The following KHDRBS3 variants were observed in gnomAD, a reference collection of about 807,000 sequenced individuals.
KHDRBS3 encodes the protein KH RNA binding domain containing, signal transduction associated 3.
KHDRBS3 carries 23 observed loss-of-function variants against 45.6 expected under a neutral mutation model. That is an observed-to-expected ratio of 0.50 (90% confidence interval 0.36 to 0.72). KHDRBS3 has a LOEUF of 0.72. Among genes scored for constraint, KHDRBS3 ranks in the 30% least tolerant of loss-of-function variants. KHDRBS3 has a pLI of 0.00. For synonymous variants in KHDRBS3, 162 were observed against 156.5 expected (o/e 1.04, Z -0.26); for missense variants, 352 against 424.8 (o/e 0.83, Z 1.51).
At chr8:135,498,305 C>T (rs1292078564) in intron 1 of KHDRBS3, among the ~76,000 whole-genome samples, 1 of 152,216 alleles carries the variant, frequency 6.6e-6, no homozygotes, top group African/African-American at 2.4e-5. Flanking sequence ...AACTACCGTA[C>T]TGCATTACTT....
intron 1 of KHDRBS3, among the ~76,000 whole-genome samples, chr8:135,490,232 G>A (rs35247749): frequency 0.11 from 16,003 of 152,196 alleles, 933 homozygotes; most frequent in East Asian, 0.18. Context: ...AGTGACACCT[G>A]ACTGTTTATG....
chr8:135,516,402 G>T (rs1824604414), intron 1 of KHDRBS3, among the ~76,000 whole-genome samples: 1 of 152,130 alleles, frequency 6.6e-6, no homozygotes, highest in South Asian at 2.1e-4. Flanking sequence ...GTGCTGCAAG[G>T]TTACCACAGC....
chr8:135,555,009 G>A (rs1193469132), intron 4 of KHDRBS3, among the ~76,000 whole-genome samples: 2 of 152,088 alleles, frequency 1.3e-5, no homozygotes, highest in Non-Finnish European at 2.9e-5. Context: ...GCTGCCTGCC[G>A]TTAATTTCTG....
chr8:135,529,291 C>G (rs1454302601), intron 2 of KHDRBS3, among the ~76,000 whole-genome samples: 12 of 152,152 alleles, frequency 7.9e-5, no homozygotes. Context: ...GTCCTGTTCT[C>G]AGAGGCTCTG....
At chr8:135,459,799 C>T (rs1821337608) in intron 1 of KHDRBS3, among the ~76,000 whole-genome samples, 1 of 152,098 alleles carries the variant, frequency 6.6e-6, no homozygotes, top group South Asian at 2.1e-4. Flanking sequence ...GTGTTTTTAC[C>T]AGTGTTAATG....
At chr8:135,469,346 G>A (rs1401381465) in intron 1 of KHDRBS3, among the ~76,000 whole-genome samples, 32 of 152,058 alleles carry the variant, frequency 2.1e-4, no homozygotes, top group African/African-American at 4.8e-5. Context: ...GTGCAGTGGC[G>A]CGATCTCGGC....
At chr8:135,553,504 T>G (rs1041237250) in intron 4 of KHDRBS3, among the ~76,000 whole-genome samples, 1 of 152,200 alleles carries the variant, frequency 6.6e-6, no homozygotes, top group African/African-American at 2.4e-5. Context: ...CATAATATTT[T>G]ATTATATGCA....
At chr8:135,636,032 G>T (rs1830796438) in intron 7 of KHDRBS3, among the ~76,000 whole-genome samples, 1 of 152,178 alleles carries the variant, frequency 6.6e-6, no homozygotes, top group Non-Finnish European at 1.5e-5. Flanking sequence ...AATACTGTCA[G>T]TTGTTTTACT....
chr8:135,593,674 C>T (rs1188387662), intron 6 of KHDRBS3, among the ~76,000 whole-genome samples: 1 of 152,108 alleles, frequency 6.6e-6, no homozygotes, highest in Non-Finnish European at 1.5e-5. Flanking sequence ...GACAGGGTCT[C>T]ACTTTGTTAC....
intron 4 of KHDRBS3, among the ~76,000 whole-genome samples, chr8:135,556,965 C>CTTAACTACA (rs1563766254): frequency 1.3e-5 from 2 of 152,162 alleles, no homozygotes; most frequent in East Asian, 3.9e-4. Flanking sequence ...GCCTGTGTCC[C>CTTAACTACA]TGTGGTTCTT....
chr8:135,507,182 G>A (rs1876995), intron 1 of KHDRBS3, among the ~76,000 whole-genome samples: 121,001 of 152,020 alleles, frequency 0.8, 48,614 homozygotes, highest in East Asian at 0.96. Flanking sequence ...TAGATTCCTG[G>A]CCCTGTTATT....
At chr8:135,634,885 G>A (rs1830745295) in intron 7 of KHDRBS3, among the ~76,000 whole-genome samples, 1 of 152,178 alleles carries the variant, frequency 6.6e-6, no homozygotes, top group South Asian at 2.1e-4. Flanking sequence ...CTTCAGGCAA[G>A]CGTAATGCTC....
chr8:135,634,929 T>C (rs1830747159), intron 7 of KHDRBS3, among the ~76,000 whole-genome samples: 1 of 152,228 alleles, frequency 6.6e-6, no homozygotes, highest in Non-Finnish European at 1.5e-5. Context: ...GCTGAAGCCA[T>C]GTGTCCTAGG....
Position 135,581,912 on chromosome 8 carries a change from G to A in KHDRBS3, c.646G>A (p.Val216Ile), listed in dbSNP as rs773311799. 21 of 1,608,982 alleles carry A rather than the reference G, an allele frequency of 1.3e-5. No homozygotes were observed. The highest frequency in any genetic ancestry group is 5.0e-5 in the Admixed American group (3 of 59,704). Residue 216 changes from valine (V) to isoleucine (I), a missense_variant, in exon 6 of 9, where the codon GTT becomes ATT. By Grantham distance (29) the Val-to-Ile change is conservative (BLOSUM62 3). This residue lies in a region of KHDRBS3 where 212 missense variants were observed against 209.6 expected (regional missense o/e 1.01). Transcript: ENST00000355849. ...RGGVTARPVG[V>I]VVPRGTPTPR... is the part of the protein sequence containing the mutation. ...AGGAGTTACAGCCCGGCCAGTTGGAGTTGTAGTACCACGAGGGACGCCAAC... is the reference window on the plus strand; with the variant it reads ...AGGAGTTACAGCCCGGCCAGTTGGAATTGTAGTACCACGAGGGACGCCAAC...
chr8:135,618,859 G>A (rs1353521219), intron 7 of KHDRBS3, among the ~76,000 whole-genome samples: 3 of 152,186 alleles, frequency 2.0e-5, no homozygotes, highest in African/African-American at 4.8e-5. Flanking sequence ...AGCCTGGCAC[G>A]TGGCACTTGG....
chr8:135,528,044 G>A (rs796355633), intron 2 of KHDRBS3, among the ~76,000 whole-genome samples: 7 of 152,254 alleles, frequency 4.6e-5, no homozygotes, highest in African/African-American at 1.7e-4. Flanking sequence ...GCTATGTTAA[G>A]TCTATAAGTT....
chr8:135,578,784 C>T (rs1215364167), intron 5 of KHDRBS3, among the ~76,000 whole-genome samples: 1 of 152,084 alleles, frequency 6.6e-6, no homozygotes, highest in Non-Finnish European at 1.5e-5. Flanking sequence ...ATTAGGATTG[C>T]ATTGAATCTG....
At chr8:135,543,069 A>G (rs575623084) in intron 3 of KHDRBS3, among the ~76,000 whole-genome samples, 1 of 152,326 alleles carries the variant, frequency 6.6e-6, no homozygotes, top group African/African-American at 2.4e-5. Context: ...AAAGCTATCT[A>G]TAGTCTCATC....
chr8:135,541,015 A>T (rs908688947), intron 2 of KHDRBS3: 7 of 152,246 alleles, frequency 4.6e-5, no homozygotes, highest in African/African-American at 1.7e-4. Context: ...TTCAGAAAGG[A>T]TGAGAAATTT....
Sources: gnomAD v4.1 joint callset for allele counts (sites outside exome capture counted in the v4.1 genomes callset) on GRCh38, gnomAD v4.1.1 for gene constraint, gnomAD v4.1.1 regional missense constraint, MANE v1.5 for transcripts, NCBI Gene and HGNC (gene_info 2026-07-23, HGNC 2026-07-21) for gene names.